AGMO: variants seen among roughly 807,000 people sequenced by gnomAD.
AGMO encodes the protein alkylglycerol monooxygenase.
AGMO carries 75 observed loss-of-function variants against 60.2 expected under a neutral mutation model. That is an observed-to-expected ratio of 1.25 (90% confidence interval 1.03 to 1.51). The LOEUF is 1.51. Among genes scored for constraint, AGMO ranks in the 40% most tolerant of loss-of-function variants. The pLI, the probability that AGMO is intolerant of heterozygous loss-of-function variation, is 0.00. For synonymous variants in AGMO, 261 were observed against 177.1 expected (o/e 1.47, Z -3.76); for missense variants, 763 against 525.5 (o/e 1.45, Z -4.42).
intron 12 of AGMO, among the ~76,000 whole-genome samples, chr7:15,294,989 A>C (rs886497992): frequency 1.3e-5 from 2 of 151,856 alleles, no homozygotes; most frequent in Non-Finnish European, 2.9e-5. Context: ...AAGAAACTAA[A>C]ATCTAATAGG....
At chr7:15,262,982 G>A (rs1193949237) in intron 12 of AGMO, among the ~76,000 whole-genome samples, 1 of 151,816 alleles carries the variant, frequency 6.6e-6, no homozygotes, top group East Asian at 1.9e-4. Context: ...GATTCTAGAA[G>A]ATAACATTGT....
chr7:15,237,974 G>A (rs1458696527), intron 12 of AGMO, among the ~76,000 whole-genome samples: 1 of 152,020 alleles, frequency 6.6e-6, no homozygotes, highest in Non-Finnish European at 1.5e-5. Flanking sequence ...CTGTGGGAAG[G>A]TAGAAGCCTA....
At position 15,516,740 on chromosome 7, in the gene AGMO, G is replaced by A. The variant is rs909615743; in HGVS notation, c.409+28032C>T. Among the ~76,000 whole-genome samples, 3 of 151,684 alleles carry A rather than the reference G, an allele frequency of 2.0e-5. No individual in the cohort carries two copies. In the East Asian group the frequency reaches 5.8e-4, roughly 29 times the overall value. On this transcript the variant is annotated intron_variant, in intron 3 of 12. Coordinates refer to ENST00000342526, the MANE Select transcript of AGMO (RefSeq NM_001004320.2). ...TTCACAGGAGACTCAGCCCTTGGGA[G>A]AAGTGAAAAAGTTACATCCTTTTTT...
At chr7:15,404,067 A>G (rs1784624628) in intron 5 of AGMO, among the ~76,000 whole-genome samples, 1 of 151,944 alleles carries the variant, frequency 6.6e-6, no homozygotes, top group Admixed American at 6.6e-5. Flanking sequence ...GGAGTGAAAA[A>G]ACAATATTTA....
chr7:15,512,636 T>C (rs938794555), intron 3 of AGMO, among the ~76,000 whole-genome samples: 8 of 152,196 alleles, frequency 5.3e-5, no homozygotes, highest in African/African-American at 1.9e-4. Context: ...CTATTTGGAG[T>C]GTCTCACATA....
At chr7:15,316,687 G>A (rs1196844910) in intron 12 of AGMO, among the ~76,000 whole-genome samples, 2 of 152,172 alleles carry the variant, frequency 1.3e-5, no homozygotes, top group Non-Finnish European at 2.9e-5. Flanking sequence ...TGTAAAATAA[G>A]TTAAATACTT....
intron 12 of AGMO, among the ~76,000 whole-genome samples, chr7:15,278,705 T>C (rs1381156988): frequency 1.3e-5 from 2 of 152,264 alleles, no homozygotes; most frequent in South Asian, 2.1e-4. Context: ...GTCCAGAACA[T>C]GCAAAGGTGC....
At position 15,561,780 on chromosome 7, in the gene AGMO, C is replaced by T. The variant is rs778448599; in HGVS notation, c.66G>A (p.Thr22=). ...VSQGFRMLFY[T]MKPSETSFQT... ...GGAATGAAGTTTCACTGGGTTTCAT[C>T]GTGTAAAACAACATGCGAAATCCCT... Residue 22 remains threonine (T), a synonymous_variant, in exon 1 of 13, where the codon ACG becomes ACA. Transcript: ENST00000342526. The T allele has an allele frequency of 5.6e-6, 9 of 1,611,884 alleles. 1 individual carries two copies. Among genetic ancestry groups the T allele is most frequent in the South Asian group, 5.5e-5 (5 of 90,876 alleles).
intron 10 of AGMO, among the ~76,000 whole-genome samples, chr7:15,370,580 A>AT (rs754349760): frequency 2.6e-5 from 4 of 152,222 alleles, no homozygotes; most frequent in East Asian, 3.9e-4. Flanking sequence ...AACAATAGCC[A>AT]TTCTTACTGG....
At chr7:15,410,692 C>G (rs942093005) in intron 5 of AGMO, among the ~76,000 whole-genome samples, 4 of 151,668 alleles carry the variant, frequency 2.6e-5, no homozygotes, top group Admixed American at 2.0e-4. Flanking sequence ...TTAGTACTTT[C>G]TATGTGATAA....
At chr7:15,213,211 C>A (rs1034753644) in intron 12 of AGMO, among the ~76,000 whole-genome samples, 1 of 151,764 alleles carries the variant, frequency 6.6e-6, no homozygotes, top group East Asian at 1.9e-4. Flanking sequence ...AAACCACAAT[C>A]AAAAATATAA....
In AGMO at chr7:15,238,032, G is replaced by A. The variant is rs779661504; in HGVS notation, c.1264-36673C>T. Among the ~76,000 whole-genome samples, 4 of 151,908 alleles carry A rather than the reference G, an allele frequency of 2.6e-5. No homozygotes were observed. In the East Asian group the frequency reaches 7.8e-4, roughly 29 times the overall value. On this transcript the variant is annotated intron_variant, in intron 12 of 12. Coordinates refer to ENST00000342526, the MANE Select transcript of AGMO (RefSeq NM_001004320.2). ...CAAACATAGATGGCCTAATCACATTGACCAGCCTCTCCCTTAATGACCTAC... is the reference window on the plus strand; with the variant it reads ...CAAACATAGATGGCCTAATCACATTAACCAGCCTCTCCCTTAATGACCTAC...
chr7:15,308,739 A>G (rs2128530369), intron 12 of AGMO, among the ~76,000 whole-genome samples: 1 of 152,324 alleles, frequency 6.6e-6, no homozygotes, highest in South Asian at 2.1e-4. Flanking sequence ...ATGAAAATAT[A>G]ACAACTAATG....
chr7:15,254,088 G>A (rs1053348077), intron 12 of AGMO, among the ~76,000 whole-genome samples: 7 of 152,020 alleles, frequency 4.6e-5, no homozygotes, highest in African/African-American at 1.7e-4. Flanking sequence ...TTGTGGATAT[G>A]TGTAATATCC....
chr7:15,219,420 G>C (rs1193907623), intron 12 of AGMO, among the ~76,000 whole-genome samples: 1 of 152,060 alleles, frequency 6.6e-6, no homozygotes, highest in Non-Finnish European at 1.5e-5. Flanking sequence ...ATGAAGAGGA[G>C]TTTGCTAGCT....
At chr7:15,315,817 A>C (rs1475968271) in intron 12 of AGMO, among the ~76,000 whole-genome samples, 2 of 152,154 alleles carry the variant, frequency 1.3e-5, no homozygotes, top group African/African-American at 4.8e-5. Context: ...CCTCAACCAC[A>C]TTCACAAAGA....
chr7:15,554,859 T>C (rs1189578805), intron 2 of AGMO, among the ~76,000 whole-genome samples: 3 of 152,046 alleles, frequency 2.0e-5, no homozygotes, highest in Non-Finnish European at 4.4e-5. Flanking sequence ...TCACCAGGAA[T>C]AGAAGTGTGA....
chr7:15,387,623 T>G (rs773575875), intron 8 of AGMO, 83 bp from the exon 9 acceptor site: 105 of 1,276,914 alleles, frequency 8.2e-5, no homozygotes, highest in Non-Finnish European at 1.1e-4. Context: ...ATTATTTTAT[T>G]GTTCAAGGTA....
the AGMO span, among the ~76,000 whole-genome samples, chr7:15,139,965 C>T: frequency 0.41 from 62,285 of 150,208 alleles, 13,124 homozygotes; most frequent in East Asian, 0.66. Flanking sequence ...CTTATAATGG[C>T]AGGAAATAGA....
Sources: allele counts gnomAD v4.1 joint callset (sites outside exome capture counted in the v4.1 genomes callset), GRCh38; gene constraint gnomAD v4.1.1; transcripts MANE v1.5; gene names NCBI Gene and HGNC (gene_info 2026-07-23, HGNC 2026-07-21).